The following AGMO variants were observed in gnomAD, a reference collection of about 807,000 sequenced individuals.
The protein encoded by AGMO is glyceryl-ether monooxygenase.
A neutral mutation model predicts 60.2 loss-of-function variants in AGMO; 75 were observed. That is an observed-to-expected ratio of 1.25 (90% CI 1.03 to 1.51). AGMO has a LOEUF of 1.51. Ranked by LOEUF, AGMO falls within the 40% of genes most tolerant of loss-of-function variation. AGMO has a pLI of 0.00. For synonymous variants in AGMO, 261 were observed against 177.1 expected, an observed-to-expected ratio of 1.47 and a Z score of -3.76; for missense variants, 763 against 525.5, an observed-to-expected ratio of 1.45 and a Z score of -4.42.
In AGMO at chr7:15,200,689, T is replaced by A. The variant is rs1367202366; in HGVS notation, c.*596A>T. Reference sequence around the variant, plus strand: ...TTTATATTTTTAGTAGAGACAGGACTTCACCATGTTGGCCAGGATGGTCTC... The same window carrying A: ...TTTATATTTTTAGTAGAGACAGGACATCACCATGTTGGCCAGGATGGTCTC... On this transcript the variant is annotated 3_prime_UTR_variant, in exon 13 of 13. Transcript: ENST00000342526. 6.6e-6 allele frequency: 1 copy of A among 152,270 alleles called. No individual in the cohort carries two copies. The highest frequency in any genetic ancestry group is 2.4e-5 in the African/African-American group (1 of 41,452). The allele number at this position is 152,270 out of a possible 1,614,324, so 9.4% of individuals were successfully genotyped here.
At chr7:15,122,783 C>G in the AGMO span, among the ~76,000 whole-genome samples, 1 of 152,070 alleles carries the variant, frequency 6.6e-6, no homozygotes, top group Non-Finnish European at 1.5e-5. Context: ...TGGTATAAGC[C>G]ACTACCATGT....
At chr7:15,361,340 C>A (rs1168183542) in intron 12 of AGMO, among the ~76,000 whole-genome samples, 8 of 150,710 alleles carry the variant, frequency 5.3e-5, no homozygotes, top group Non-Finnish European at 1.2e-4. Context: ...GAGATTGAGA[C>A]CATCCTGGCT....
intron 12 of AGMO, among the ~76,000 whole-genome samples, chr7:15,202,992 T>G (rs1321682685): frequency 1.3e-5 from 2 of 152,156 alleles, no homozygotes; most frequent in Non-Finnish European, 2.9e-5. Flanking sequence ...ATAATTTACT[T>G]TAGATCCAGA....
At chr7:15,354,504 A>ACACGTGTG (rs1451727408) in intron 12 of AGMO, among the ~76,000 whole-genome samples, 57 of 35,594 alleles carry the variant, frequency 1.6e-3, no homozygotes, top group South Asian at 0.013. Flanking sequence ...GTGTATATAT[A>ACACGTGTG]TATATATATA....
intron 3 of AGMO, among the ~76,000 whole-genome samples, chr7:15,452,093 T>C (rs2128505850): frequency 1.3e-5 from 2 of 152,284 alleles, no homozygotes; most frequent in East Asian, 3.9e-4. Context: ...CTTCTCAGGC[T>C]ATATTTAGAT....
the AGMO span, among the ~76,000 whole-genome samples, chr7:15,171,141 C>T: frequency 6.6e-6 from 1 of 152,108 alleles, no homozygotes; most frequent in African/African-American, 2.4e-5. Context: ...GCCACCACGC[C>T]TGGCTAATTT....
chr7:15,477,967 C>G lies in AGMO; in HGVS notation c.410-46859G>C, dbSNP rs550774713. Among the ~76,000 whole-genome samples, 4 of 152,232 alleles carry G rather than the reference C, an allele frequency of 2.6e-5. No homozygotes were observed. In the South Asian group the frequency reaches 8.3e-4, roughly 32 times the overall value. ...CACATGGAAAGCAACACTTTTCTTA[C>G]TTGTAGAGAATCCCTAAGTATGAAC... On this transcript the variant is annotated intron_variant, in intron 3 of 12. Coordinates refer to ENST00000342526, the MANE Select transcript of AGMO (RefSeq NM_001004320.2).
intron 10 of AGMO, among the ~76,000 whole-genome samples, chr7:15,375,054 A>G (rs1485932701): frequency 6.6e-6 from 1 of 152,066 alleles, no homozygotes; most frequent in Non-Finnish European, 1.5e-5. Context: ...AGAGAACACC[A>G]AAGGGTTGTG....
At chr7:15,536,682 T>A (rs1445198231) in intron 3 of AGMO, among the ~76,000 whole-genome samples, 2 of 151,774 alleles carry the variant, frequency 1.3e-5, no homozygotes, top group Admixed American at 6.6e-5. Flanking sequence ...TTTGAAAAAA[T>A]TAATACATAA....
chr7:15,527,213 G>A (rs1005797401), intron 3 of AGMO, among the ~76,000 whole-genome samples: 14 of 152,112 alleles, frequency 9.2e-5, no homozygotes, highest in African/African-American at 3.4e-4. Flanking sequence ...TTAAAAGCTA[G>A]ACCTCTTGTG....
chr7:15,492,439 A>C (rs1783091718), intron 3 of AGMO, among the ~76,000 whole-genome samples: 1 of 151,898 alleles, frequency 6.6e-6, no homozygotes, highest in South Asian at 2.1e-4. Context: ...GGGCTATATA[A>C]GTCCTATGGA....
At chr7:15,267,986 C>T (rs1783483994) in intron 12 of AGMO, among the ~76,000 whole-genome samples, 2 of 152,048 alleles carry the variant, frequency 1.3e-5, no homozygotes, top group South Asian at 4.1e-4. Flanking sequence ...CATCTCAAAA[C>T]TGTTACCAAA....
chr7:15,396,756 G>T lies in AGMO; in HGVS notation c.610-2577C>A, dbSNP rs140451696. On this transcript the variant is annotated intron_variant, in intron 5 of 12. Coordinates refer to ENST00000342526, the MANE Select transcript of AGMO (RefSeq NM_001004320.2). ...CAGAGAGCTGATTGGTCCATTTTACGGAGAGCTGATTGGTCCATCTTACAG... is the reference window on the plus strand; with the variant it reads ...CAGAGAGCTGATTGGTCCATTTTACTGAGAGCTGATTGGTCCATCTTACAG... Among the ~76,000 whole-genome samples, 1,345 of 147,052 alleles carry T rather than the reference G, an allele frequency of 9.1e-3. 34 individuals carry two copies. The highest frequency in any genetic ancestry group is 0.071 in the Admixed American group (1,062 of 14,964).
At chr7:15,394,445 A>G (rs1179060313) in intron 5 of AGMO, among the ~76,000 whole-genome samples, 1 of 152,168 alleles carries the variant, frequency 6.6e-6, no homozygotes, top group East Asian at 1.9e-4. Context: ...AGGAATCTCC[A>G]CTTACTACTG....
At chr7:15,425,232 C>T (rs528283572) in intron 4 of AGMO, among the ~76,000 whole-genome samples, 38 of 152,124 alleles carry the variant, frequency 2.5e-4, no homozygotes, top group African/African-American at 8.9e-4. Context: ...ACTAAGCTAG[C>T]GTGGGACTCA....
At chr7:15,289,365 G>A (rs549305349) in intron 12 of AGMO, among the ~76,000 whole-genome samples, 60 of 151,750 alleles carry the variant, frequency 4.0e-4, no homozygotes, top group African/African-American at 1.4e-3. Flanking sequence ...AAGATTCCGA[G>A]TTTGTTTTCT....
At chr7:15,496,203 G>T (rs17168794) in intron 3 of AGMO, among the ~76,000 whole-genome samples, 2,735 of 152,122 alleles carry the variant, frequency 0.018, 72 homozygotes, top group African/African-American at 0.061. Flanking sequence ...AACTTGAGAG[G>T]GTGACACCAC....
intron 12 of AGMO, among the ~76,000 whole-genome samples, chr7:15,260,212 GAAA>G (rs753533328): frequency 2.7e-5 from 3 of 109,942 alleles, no homozygotes; most frequent in Non-Finnish European, 3.9e-5. Flanking sequence ...ACAGAGCGAG[GAAA>G]AAAAAAAAAA....
chr7:15,269,554 G>A (rs1783533054), intron 12 of AGMO, among the ~76,000 whole-genome samples: 1 of 152,028 alleles, frequency 6.6e-6, no homozygotes, highest in Non-Finnish European at 1.5e-5. Flanking sequence ...TAGTTATTGA[G>A]GGTAATAAGG....
Sources: gnomAD v4.1 joint callset for allele counts (sites outside exome capture counted in the v4.1 genomes callset) on GRCh38, gnomAD v4.1.1 for gene constraint, MANE v1.5 for transcripts, NCBI Gene and HGNC (gene_info 2026-07-23, HGNC 2026-07-21) for gene names.